SMOC1: variants seen among roughly 807,000 people sequenced by gnomAD.
SMOC1 encodes the protein SPARC-related modular calcium-binding protein 1.
SMOC1 carries 22 observed loss-of-function variants against 56.3 expected under a neutral mutation model. The observed-to-expected ratio is 0.39, with a 90% CI of 0.28 to 0.56. The LOEUF (loss-of-function observed/expected upper bound fraction) is 0.56, where lower values mean the gene tolerates loss of function less well. SMOC1 is among the 20% of genes least tolerant of loss of function. The pLI, the probability that SMOC1 is intolerant of heterozygous loss-of-function variation, is 0.61. For synonymous variants in SMOC1, 193 were observed against 215.0 expected (o/e 0.90, Z 0.89); for missense variants, 509 against 565.4 (o/e 0.90, Z 1.01).
intron 5 of SMOC1, among the ~76,000 whole-genome samples, chr14:69,982,530 C>T (rs962856493): frequency 6.6e-5 from 10 of 152,300 alleles, no homozygotes; most frequent in Admixed American, 3.3e-4. Context: ...ACATCCCAGA[C>T]GAAGGGGACT....
intron 10 of SMOC1, among the ~76,000 whole-genome samples, chr14:70,022,624 A>G (rs1391779906): frequency 6.6e-6 from 1 of 152,204 alleles, no homozygotes; most frequent in East Asian, 1.9e-4. Context: ...GCAGTGATGG[A>G]CCGTGGGAAC....
At position 69,953,419 on chromosome 14, in the gene SMOC1, G is replaced by C; in HGVS notation, c.266-1G>C. 6.2e-7 allele frequency: 1 copy of C among 1,614,094 alleles called. No individual in the cohort carries two copies. The highest frequency in any genetic ancestry group is 8.5e-7 in the Non-Finnish European group (1 of 1,179,918). On this transcript the variant is annotated splice_acceptor_variant, in intron 2 of 11. Coordinates refer to ENST00000361956, the MANE Select transcript of SMOC1 (RefSeq NM_001034852.3). LOFTEE classifies it high-confidence loss of function. ...TGAAATCTGCTCCTCTCCTCTTTCA[G>C]ATGCTGGCCAGAGCAAGTGTCGCCT...
intron 7 of SMOC1, among the ~76,000 whole-genome samples, chr14:70,003,919 T>C (rs546684947): frequency 4.4e-4 from 67 of 152,308 alleles, no homozygotes; most frequent in African/African-American, 1.5e-3. Flanking sequence ...ATACAACCAG[T>C]AATATCCTGG....
At chr14:69,887,417 G>C (rs76785704) in intron 1 of SMOC1, among the ~76,000 whole-genome samples, 1 of 152,058 alleles carries the variant, frequency 6.6e-6, no homozygotes. Flanking sequence ...CTACCTTTTT[G>C]GGGGAGAGGG....
At chr14:69,981,281 G>A (rs1884170028) in intron 5 of SMOC1, among the ~76,000 whole-genome samples, 2 of 152,144 alleles carry the variant, frequency 1.3e-5, no homozygotes, top group African/African-American at 4.8e-5. Flanking sequence ...CAGGAGGGGA[G>A]GAGGGTCAAA....
chr14:70,023,413 T>A lies in SMOC1; in HGVS notation c.1257T>A (p.Pro419=). 6.2e-7 allele frequency: 1 copy of A among 1,614,038 alleles called. No homozygotes were observed. Among genetic ancestry groups the A allele is most frequent in the South Asian group, 1.1e-5 (1 of 91,082 alleles). Residue 419 remains proline (P), a synonymous_variant, in exon 11 of 12, where the codon CCT becomes CCA. Coordinates refer to ENST00000361956, the MANE Select transcript of SMOC1 (RefSeq NM_001034852.3). The stretch of plus-strand genomic sequence containing the variant: ...ACAAAGACAAGGTCATTTCACTGCC[T>A]GAGCTGAAGGGCTGCCTGGGTGTTA... ...DLNKDKVISL[P]ELKGCLGVSK...
chr14:69,950,606 A>G (rs780903513), intron 1 of SMOC1, among the ~76,000 whole-genome samples: 6 of 152,130 alleles, frequency 3.9e-5, no homozygotes, highest in East Asian at 1.9e-4. Flanking sequence ...CCTCAACCCA[A>G]TCTGATGAAG....
intron 1 of SMOC1, among the ~76,000 whole-genome samples, chr14:69,894,058 G>A (rs1441710894): frequency 1.3e-5 from 2 of 152,174 alleles, no homozygotes; most frequent in Non-Finnish European, 2.9e-5. Flanking sequence ...TCAGAATTGT[G>A]AGAAAATAAA....
intron 1 of SMOC1, among the ~76,000 whole-genome samples, chr14:69,922,078 A>G (rs1594803018): frequency 1.3e-5 from 2 of 152,194 alleles, no homozygotes; most frequent in African/African-American, 4.8e-5. Context: ...CCATTAGCTC[A>G]CTGAAGAGGC....
intron 1 of SMOC1, among the ~76,000 whole-genome samples, chr14:69,910,221 A>T (rs2139344891): frequency 1.3e-5 from 2 of 152,338 alleles, no homozygotes; most frequent in African/African-American, 4.8e-5. Context: ...ACCGATTTTC[A>T]TTCCCACTTA....
intron 3 of SMOC1, among the ~76,000 whole-genome samples, chr14:69,974,106 A>G (rs1883872867): frequency 6.6e-6 from 1 of 152,244 alleles, no homozygotes; most frequent in Admixed American, 6.5e-5. Context: ...TCAATCACCT[A>G]CAATGAATGT....
chr14:69,923,504 C>T (rs957844496), intron 1 of SMOC1, among the ~76,000 whole-genome samples: 2 of 152,142 alleles, frequency 1.3e-5, no homozygotes, highest in African/African-American at 2.4e-5. Flanking sequence ...TTCTCAATCT[C>T]CTCTACTGCC....
intron 1 of SMOC1, among the ~76,000 whole-genome samples, chr14:69,909,197 A>G (rs546751211): frequency 8.5e-5 from 13 of 152,228 alleles, no homozygotes; most frequent in Admixed American, 5.2e-4. Context: ...AAAATTATCT[A>G]TTGGTGATGG....
chr14:69,910,768 C>T lies in SMOC1; in HGVS notation c.99+30991C>T, dbSNP rs1301168415. On this transcript the variant is annotated intron_variant, in intron 1 of 11. Transcript: ENST00000361956. ...CTGGTCAGGATCCCTCCTGAGCAGA[C>T]GGATTTTCCATGGCCTGACTTGTAG... Among the ~76,000 whole-genome samples the T allele has an allele frequency of 3.9e-5, 6 of 152,108 alleles. No individual in the cohort carries two copies. In the South Asian group the frequency reaches 6.2e-4, roughly 16 times the overall value.
chr14:69,943,684 C>A (rs113062456), intron 1 of SMOC1, among the ~76,000 whole-genome samples: 6 of 148,286 alleles, frequency 4.0e-5, no homozygotes, highest in African/African-American at 1.5e-4. Flanking sequence ...TTTCCCCCCC[C>A]TTTCAATAGC....
At chr14:69,920,728 C>G (rs943397301) in intron 1 of SMOC1, among the ~76,000 whole-genome samples, 4 of 152,154 alleles carry the variant, frequency 2.6e-5, no homozygotes, top group Non-Finnish European at 5.9e-5. Flanking sequence ...ATAAGAGCTA[C>G]AAAGGAGATC....
chr14:70,009,187 A>C (rs569740772), intron 7 of SMOC1, among the ~76,000 whole-genome samples: 6 of 152,344 alleles, frequency 3.9e-5, no homozygotes, highest in African/African-American at 1.4e-4. Flanking sequence ...TTTAATAGTG[A>C]ATATGCTATA....
intron 7 of SMOC1, among the ~76,000 whole-genome samples, chr14:70,004,710 A>G (rs2139573634): frequency 1.3e-5 from 2 of 152,326 alleles, no homozygotes; most frequent in Admixed American, 1.3e-4. Context: ...CTCTTTATGT[A>G]TATGTGTGTG....
chr14:69,974,226 A>G (rs560575614), intron 3 of SMOC1, among the ~76,000 whole-genome samples: 1 of 152,284 alleles, frequency 6.6e-6, no homozygotes, highest in Non-Finnish European at 1.5e-5. Context: ...TAGAGCTCAC[A>G]GTGATAAGGG....
Sources: allele counts gnomAD v4.1 joint callset (sites outside exome capture counted in the v4.1 genomes callset), GRCh38; gene constraint gnomAD v4.1.1; transcripts MANE v1.5; gene names NCBI Gene and HGNC (gene_info 2026-07-23, HGNC 2026-07-21).